The following SLC25A46 variants were observed in gnomAD, a reference collection of about 807,000 sequenced individuals.
SLC25A46 encodes the protein mitochondrial outer membrane protein SLC25A46.
In SLC25A46, 39 loss-of-function variants were observed where a neutral mutation model predicts 44.6. The ratio of observed to expected loss-of-function variants is 0.87; its 90% confidence interval spans 0.68 to 1.14. SLC25A46 has a LOEUF of 1.14. Ranked by LOEUF, SLC25A46 falls within the 50% of genes most tolerant of loss-of-function variation. The pLI is 0.00. For synonymous variants in SLC25A46, 202 were observed against 185.8 expected (o/e 1.09, Z -0.71); for missense variants, 547 against 522.7 (o/e 1.05, Z -0.45).
Position 110,739,162 on chromosome 5 carries a change from C to G in SLC25A46, c.43C>G (p.Arg15Gly). ...RPDGFDGLGY[R>G]GGARDEQGFG... ...GGACGGATTTGATGGCTTGGGCTAC[C>G]GGGGTGGTGCCCGGGACGAGCAGGG... Residue 15 changes from arginine (R) to glycine (G), a missense_variant, in exon 1 of 8, where the codon CGG (arginine) becomes GGG (glycine). Coordinates refer to ENST00000355943, the MANE Select transcript of SLC25A46 (RefSeq NM_138773.4). 2.6e-6 allele frequency: 4 copies of G among 1,550,082 alleles called. No homozygotes were observed. Among genetic ancestry groups the G allele is most frequent in the Admixed American group, 2.0e-5 (1 of 51,022 alleles).
chr5:110,746,337 C>A lies in SLC25A46; in HGVS notation c.453C>A (p.Asn151Lys). The change falls in exon 4 of 8, where the codon AAC (asparagine) becomes AAA (lysine). Residue 151 changes from asparagine (N) to lysine (K), a missense_variant. Physicochemically the swap from Asn to Lys is moderately conservative, Grantham distance 94 (BLOSUM62 0). Transcript: ENST00000355943. The stretch of plus-strand genomic sequence containing the variant: ...TCATCAATATTATGTACAGTTTCAA[C>A]AAAACTCAGGTGAGAATTTTGTCTG... ...FTVINIMYSF[N>K]KTQGPRALWK... 6.3e-7 allele frequency: 1 copy of A among 1,584,200 alleles called. No homozygotes were observed. The highest frequency in any genetic ancestry group is 8.6e-7 in the Non-Finnish European group (1 of 1,169,038).
Position 110,748,216 on chromosome 5 carries a change from C to T in SLC25A46, c.516C>T (p.Val172=). 6.2e-7 allele frequency: 1 copy of T among 1,613,684 alleles called. No individual in the cohort carries two copies. Among genetic ancestry groups the T allele is most frequent in the Non-Finnish European group, 8.5e-7 (1 of 1,179,690 alleles). Residue 172 remains valine, a synonymous_variant, in exon 5 of 8, where the codon GTC becomes GTT. Coordinates refer to ENST00000355943, the MANE Select transcript of SLC25A46 (RefSeq NM_138773.4). ...GAAGTACATTTATTGTCCAGGGAGT[C>T]ACACTTGGAGCAGAAGGCATAATTA... ...GMGSTFIVQG[V]TLGAEGIISE...
In SLC25A46 at chr5:110,748,236, TA is replaced by T; in HGVS notation, c.538del (p.Ile180LeufsTer20). ...GGAGTCACACTTGGAGCAGAAGGCA[TA>T]ATTAGTGAATTTACACCTTTGCCAA... The part of the protein sequence containing the change: ...VQGVTLGAEG[I>X]ISEFTPLPRE... On this transcript the variant is annotated frameshift_variant, in exon 5 of 8. Coordinates refer to ENST00000355943, the MANE Select transcript of SLC25A46 (RefSeq NM_138773.4). LOFTEE classifies it high-confidence loss of function. 6.2e-7 allele frequency: 1 copy of T among 1,613,530 alleles called. No individual in the cohort carries two copies.
At position 110,746,266 on chromosome 5, in the gene SLC25A46, C is replaced by T; in HGVS notation, c.385-3C>T. ...AAAAAATAATGAAATATCTTTTTTA[C>T]AGGTTAATTACCATGCTCAGCATTA... On this transcript the variant is annotated splice_polypyrimidine_tract_variant and splice_region_variant and intron_variant, in intron 3 of 7. Coordinates refer to ENST00000355943, the MANE Select transcript of SLC25A46 (RefSeq NM_138773.4). 1 of 1,559,368 alleles carries T rather than the reference C, an allele frequency of 6.4e-7. No individual in the cohort carries two copies. The highest frequency in any genetic ancestry group is 8.7e-7 in the Non-Finnish European group (1 of 1,153,940).
chr5:110,738,959 T>C, upstream of SLC25A46: 2 of 1,443,032 alleles, frequency 1.4e-6, no homozygotes, highest in Non-Finnish European at 9.0e-7. Flanking sequence ...GAGGCTATAA[T>C]CACGTGCTCC....
chr5:110,740,232 G>T (rs541358806), intron 1 of SLC25A46, among the ~76,000 whole-genome samples: 257 of 152,070 alleles, frequency 1.7e-3, no homozygotes, highest in African/African-American at 5.8e-3. Context: ...TATTCTTCTG[G>T]AATTGTTAGA....
rs1195143579 is a variant in SLC25A46, at chr5:110,742,066, T to C, written c.303T>C (p.Ala101=). Residue 101 remains alanine, a synonymous_variant, in exon 2 of 8, where the codon GCT becomes GCC. Transcript: ENST00000355943. ...GQSSEQLNRF[A]GFGIGLASLF... is the part of the protein sequence containing the mutation. ...CTTTAGAACAGCTGAATAGATTTGC[T>C]GGATTTGGTATTGGACTTGCAAGGT... 10 of 1,578,132 alleles carry C rather than the reference T, an allele frequency of 6.3e-6. No homozygotes were observed. The highest frequency in any genetic ancestry group is 5.5e-5 in the African/African-American group (4 of 73,220).
intron 7 of SLC25A46, among the ~76,000 whole-genome samples, chr5:110,757,778 G>A (rs1483821972): frequency 1.3e-5 from 2 of 151,966 alleles, no homozygotes; most frequent in South Asian, 4.1e-4. Context: ...TTAAAGGTAA[G>A]GGAAAAATGT....
intron 5 of SLC25A46, among the ~76,000 whole-genome samples, chr5:110,750,249 C>CT (rs1270676034): frequency 1.5e-5 from 2 of 131,264 alleles, no homozygotes; most frequent in African/African-American, 6.3e-5. Flanking sequence ...CTCAGAGTTT[C>CT]TTGTTTTATT....
At chr5:110,751,994 A>G (rs550285472) in intron 5 of SLC25A46, among the ~76,000 whole-genome samples, 6 of 152,132 alleles carry the variant, frequency 3.9e-5, no homozygotes, top group Non-Finnish European at 8.8e-5. Context: ...TCTGTATCCT[A>G]TTAATGGGAA....
rs1436092906 is a variant in SLC25A46 at position 110,761,910 on chromosome 5, A to G, written c.*128A>G. 7 of 746,706 alleles carry G rather than the reference A, an allele frequency of 9.4e-6. No individual in the cohort carries two copies. The highest frequency in any genetic ancestry group is 1.5e-5 in the Non-Finnish European group (7 of 474,606). The allele number at this position is 746,706 out of a possible 1,614,324, so 46.3% of individuals were successfully genotyped here. On this transcript the variant is annotated 3_prime_UTR_variant, in exon 8 of 8. Transcript: ENST00000355943. This position sits in a 1 kb window ranked among gnomAD's most constrained non-coding sequence, Gnocchi z 5.3. ...GAAAGTAAAATTGGTACTAAAGCCC[A>G]TACTGATTATCTTGACTTTGTTTTT...
chr5:110,746,572 C>G (rs1331540915), intron 4 of SLC25A46, among the ~76,000 whole-genome samples: 1 of 152,156 alleles, frequency 6.6e-6, no homozygotes, highest in Non-Finnish European at 1.5e-5. Flanking sequence ...AAGATGATGT[C>G]TCTGCTATCA....
chr5:110,764,559 C>A lies in SLC25A46; in HGVS notation c.*2777C>A, dbSNP rs1301328330. ...TATTGCAGATATACCTGACCACTCA[C>A]AACTGTCTTTTTAGCAGCAGCTTTG... is the stretch of plus-strand genomic sequence containing the variant. On this transcript the variant is annotated 3_prime_UTR_variant, in exon 8 of 8. Transcript: ENST00000355943. The A allele has an allele frequency of 2.0e-5, 3 of 151,916 alleles. No individual in the cohort carries two copies. The highest frequency in any genetic ancestry group is 4.4e-5 in the Non-Finnish European group (3 of 67,932). The allele number at this position is 151,916 out of a possible 1,614,324, so 9.4% of individuals were successfully genotyped here.
intron 1 of SLC25A46, 151 bp from the exon 2 acceptor site, chr5:110,741,896 C>T: frequency 1.7e-6 from 1 of 590,626 alleles, no homozygotes; most frequent in Non-Finnish European, 3.0e-6. Flanking sequence ...AAATTATTTA[C>T]CTGGCCCCTA....
chr5:110,739,303 C>T lies in SLC25A46; in HGVS notation c.184C>T (p.Pro62Ser). 1 of 1,572,172 alleles carries T rather than the reference C, an allele frequency of 6.4e-7. No individual in the cohort carries two copies. Among genetic ancestry groups the T allele is most frequent in the African/African-American group, 1.3e-5 (1 of 74,342 alleles). ...SRNLHWGEKSPPYGVPTTSTP... is the reference protein window; with the variant it reads ...SRNLHWGEKSSPYGVPTTSTP... ...CAACCTGCACTGGGGCGAGAAGAGC[C>T]CGCCCTACGGCGTGCCCACCACCTC... The change falls in exon 1 of 8, where the codon CCG (proline) becomes TCG (serine). Residue 62 changes from proline to serine, a missense_variant. Pro to Ser is a moderately conservative substitution (Grantham distance 74). Transcript: ENST00000355943.
intron 7 of SLC25A46, among the ~76,000 whole-genome samples, chr5:110,759,636 G>A (rs1800198621): frequency 6.6e-6 from 1 of 152,104 alleles, no homozygotes; most frequent in African/African-American, 2.4e-5. Flanking sequence ...GGCCTGAGTG[G>A]TAAGAGGGGA....
At position 110,746,353 on chromosome 5, in the gene SLC25A46, A is replaced by G; in HGVS notation, c.462+7A>G. The G allele has an allele frequency of 6.4e-7, 1 of 1,564,202 alleles. No homozygotes were observed. Among genetic ancestry groups the G allele is most frequent in the Non-Finnish European group, 8.7e-7 (1 of 1,155,644 alleles). On this transcript the variant is annotated splice_region_variant and intron_variant, in intron 4 of 7. Coordinates refer to ENST00000355943, the MANE Select transcript of SLC25A46 (RefSeq NM_138773.4). ...CAGTTTCAACAAAACTCAGGTGAGA[A>G]TTTTGTCTGGATTCTATTAAAGGTT... is the stretch of plus-strand genomic sequence containing the variant.
intron 5 of SLC25A46, chr5:110,755,152 C>A (rs1800075561): frequency 5.3e-6 from 1 of 190,102 alleles, no homozygotes; most frequent in African/African-American, 2.3e-5. Flanking sequence ...CATATCTATT[C>A]TCTTTCTTTT....
upstream of SLC25A46, chr5:110,738,386 T>C (rs573839165): frequency 3.7e-6 from 2 of 538,178 alleles, no homozygotes; most frequent in African/African-American, 4.2e-5. Flanking sequence ...ATAGTTTCTT[T>C]ACAGCCTTAG....
Sources: allele counts gnomAD v4.1 joint callset (sites outside exome capture counted in the v4.1 genomes callset), GRCh38; gene constraint gnomAD v4.1.1; non-coding constraint Gnocchi (gnomAD v3.1); transcripts MANE v1.5; gene names NCBI Gene and HGNC (gene_info 2026-07-23, HGNC 2026-07-21).